Variants in TBC1D1 observed in about 807,000 individuals in gnomAD.
TBC1D1 encodes TBC1 domain family member 1, also known as TBC1 (tre-2/USP6, BUB2, cdc16) domain family, member 1.
In TBC1D1, 89 loss-of-function variants were observed where a neutral mutation model predicts 125.6. That is an observed-to-expected ratio of 0.71 (90% CI 0.60 to 0.85). The LOEUF (loss-of-function observed/expected upper bound fraction) is 0.85. Among genes scored for constraint, TBC1D1 ranks in the 40% least tolerant of loss-of-function variants. The pLI, the probability that TBC1D1 is intolerant of heterozygous loss-of-function variation, is 0.00. For missense variants in TBC1D1, 1,377 were observed against 1,469.2 expected (o/e 0.94, Z 1.03); for synonymous variants, 565 against 564.1 (o/e 1.00, Z -0.02).
At chr4:38,009,816 TGTATCTAAATAAG>T (rs1012987322) in intron 2 of TBC1D1, among the ~76,000 whole-genome samples, 2 of 152,198 alleles carry the variant, frequency 1.3e-5, no homozygotes, top group African/African-American at 4.8e-5. Flanking sequence ...TTAATTTTTA[TGTATCTAAATAAG>T]GCCTGTTTCT....
intron 1 of TBC1D1, among the ~76,000 whole-genome samples, chr4:37,895,510 C>T (rs1426209945): frequency 6.6e-6 from 1 of 152,104 alleles, no homozygotes; most frequent in Non-Finnish European, 1.5e-5. Context: ...TGGAGACCAG[C>T]CTGGCAAACA....
intron 17 of TBC1D1, among the ~76,000 whole-genome samples, chr4:38,122,023 C>T (rs1763931082): frequency 6.6e-6 from 1 of 152,158 alleles, no homozygotes; most frequent in African/African-American, 2.4e-5. Flanking sequence ...AATGATCTCC[C>T]GATTTAAGAC....
chr4:37,977,601 T>A lies in TBC1D1; in HGVS notation c.418-36908T>A. 2.3e-6 allele frequency: 1 copy of A among 441,378 alleles called. No individual in the cohort carries two copies. Among genetic ancestry groups the A allele is most frequent in the Non-Finnish European group, 3.1e-6 (1 of 325,550 alleles). 27.3% of individuals were successfully genotyped at this position (441,378 alleles called of 1,614,324 possible). On this transcript the variant is annotated intron_variant, in intron 2 of 19. Coordinates refer to ENST00000261439, the MANE Select transcript of TBC1D1 (RefSeq NM_015173.4). This position sits in a 1 kb window ranked among gnomAD's most constrained non-coding sequence, Gnocchi z 4.3. Reference sequence around the variant, plus strand: ...CGCGGGGCTGGAACATTTGTAACCTTCGGGCCGGGGCTGGGCCGGGCCGCT... The same window carrying A: ...CGCGGGGCTGGAACATTTGTAACCTACGGGCCGGGGCTGGGCCGGGCCGCT...
intron 19 of TBC1D1, among the ~76,000 whole-genome samples, chr4:38,134,074 G>T (rs1292600623): frequency 6.6e-6 from 1 of 152,150 alleles, no homozygotes; most frequent in Non-Finnish European, 1.5e-5. Flanking sequence ...TGTTTTGAGG[G>T]TGTTTTTAAA....
In TBC1D1 at chr4:38,121,100, G is replaced by A. The variant is rs116141388; in HGVS notation, c.2962+2908G>A. On this transcript the variant is annotated intron_variant, in intron 17 of 19. Coordinates refer to ENST00000261439, the MANE Select transcript of TBC1D1 (RefSeq NM_015173.4). ...CCAGCTATTCAGGTGACATGATGCC[G>A]CGTGATGATGAGTGTGTCCAGTCTG... Among the ~76,000 whole-genome samples the A allele has an allele frequency of 9.6e-3, 1,467 of 152,264 alleles. 18 individuals are homozygous for A. The highest frequency in any genetic ancestry group is 0.034 in the African/African-American group (1,411 of 41,536).
chr4:38,013,225 AG>A, intron 2 of TBC1D1, among the ~76,000 whole-genome samples: 1 of 133,370 alleles, frequency 7.5e-6, no homozygotes, highest in South Asian at 2.2e-4. Flanking sequence ...TTTATGACAG[AG>A]AGATCTTTAA....
At chr4:38,000,034 T>A (rs1216347343) in intron 2 of TBC1D1, among the ~76,000 whole-genome samples, 2 of 152,180 alleles carry the variant, frequency 1.3e-5, no homozygotes, top group Admixed American at 1.3e-4. Context: ...GACACTTGAG[T>A]TTTGCCCCAT....
At chr4:38,116,940 G>A (rs747584262) in intron 16 of TBC1D1, among the ~76,000 whole-genome samples, 1 of 152,200 alleles carries the variant, frequency 6.6e-6, no homozygotes, top group Admixed American at 6.5e-5. Context: ...CATGGACCAC[G>A]TGAATGCAAA....
intron 2 of TBC1D1, among the ~76,000 whole-genome samples, chr4:38,003,947 T>C (rs1370846340): frequency 2.6e-5 from 4 of 152,166 alleles, no homozygotes; most frequent in African/African-American, 9.7e-5. Flanking sequence ...TGGGAGCTAT[T>C]ATAGGCTAGG....
At position 38,138,430 on chromosome 4, in the gene TBC1D1, T is replaced by C. The variant is rs1053714635; in HGVS notation, c.*1095T>C. On this transcript the variant is annotated 3_prime_UTR_variant, in exon 20 of 20. Transcript: ENST00000261439. Reference sequence around the variant, plus strand: ...CAGAAGGAGTAGGCACATCAAGATATTCAGGGGTGCCCCAAGAGTCTGGGA... The same window carrying C: ...CAGAAGGAGTAGGCACATCAAGATACTCAGGGGTGCCCCAAGAGTCTGGGA... 3.3e-5 allele frequency: 5 copies of C among 152,530 alleles called. No individual in the cohort carries two copies. In the East Asian group the frequency reaches 5.8e-4, roughly 18 times the overall value. 9.4% of individuals were successfully genotyped at this position (152,530 alleles called of 1,614,324 possible). A position where few individuals can be genotyped will look rare whatever the true frequency, so the allele number is the denominator to read the frequency against.
chr4:38,096,797 G>GT (rs977536633), intron 14 of TBC1D1, among the ~76,000 whole-genome samples: 46 of 151,018 alleles, frequency 3.0e-4, no homozygotes, highest in African/African-American at 9.3e-4. Context: ...TTGTCCATCT[G>GT]TTTTTTTTTA....
rs766976101 is a variant in TBC1D1, at chr4:38,014,748, C to T, written c.657C>T (p.Ala219=). The change falls in exon 3 of 20, where the codon GCC becomes GCT. Residue 219 remains alanine, a synonymous_variant. Coordinates refer to ENST00000261439, the MANE Select transcript of TBC1D1 (RefSeq NM_015173.4). The surrounding 1 kb of genome is among the most constrained non-coding windows in gnomAD (Gnocchi z 5.1). ...GCCCCCGCCCCAACCCGCCCCATGCCGCGCCCACAGGGAGCCAGGAGCCTG... is the reference window on the plus strand; with the variant it reads ...GCCCCCGCCCCAACCCGCCCCATGCTGCGCCCACAGGGAGCCAGGAGCCTG... The T allele has an allele frequency of 3.1e-6, 5 of 1,611,178 alleles. No individual in the cohort carries two copies. The African/African-American group carries it at 4.0e-5, about 13-fold the overall frequency.
chr4:38,056,287 C>T (rs1408796754), intron 12 of TBC1D1, among the ~76,000 whole-genome samples: 1 of 152,136 alleles, frequency 6.6e-6, no homozygotes, highest in Non-Finnish European at 1.5e-5. Context: ...ACCCCTGGTC[C>T]GAGTCCTGTC....
intron 6 of TBC1D1, among the ~76,000 whole-genome samples, chr4:38,025,702 A>G (rs1239035539): frequency 6.6e-6 from 1 of 152,118 alleles, no homozygotes; most frequent in East Asian, 1.9e-4. Flanking sequence ...TGTCCTTCAT[A>G]TGTGGGGGGG....
intron 8 of TBC1D1, among the ~76,000 whole-genome samples, chr4:38,040,536 C>A (rs1460427762): frequency 1.3e-5 from 2 of 152,214 alleles, no homozygotes; most frequent in African/African-American, 4.8e-5. Flanking sequence ...ATCCGCCTGC[C>A]TTGGCCTCCT....
intron 16 of TBC1D1, among the ~76,000 whole-genome samples, chr4:38,116,332 T>C (rs1304139972): frequency 6.6e-6 from 1 of 152,150 alleles, no homozygotes; most frequent in Non-Finnish European, 1.5e-5. Context: ...CATCTGCTCT[T>C]CCTCTGCCTC....
rs772977772 is a variant in TBC1D1, at chr4:38,092,734, TA to T, written c.2236+2634del. On this transcript the variant is annotated intron_variant, in intron 13 of 19. Transcript: ENST00000261439. ...TGGGCAACACAGTGAGACTCCATCT[TA>T]AAAAAAAAAAAAAAAAGAAAGAAGT... is the stretch of plus-strand genomic sequence containing the variant. Among the ~76,000 whole-genome samples, 746 of 130,984 alleles carry T rather than the reference TA, an allele frequency of 5.7e-3. 1 individual carries two copies. Among genetic ancestry groups the T allele is most frequent in the Admixed American group, 5.9e-3 (77 of 12,952 alleles). 85.9% of individuals were successfully genotyped at this position (130,984 alleles called of 152,430 possible).
At position 37,919,237 on chromosome 4, in the gene TBC1D1, G is replaced by A. The variant is rs9995390; in HGVS notation, c.417+16725G>A. ...GTCTGAAGTGCAGTGGTGTGATCTCGGCTCACTGCAACCTCCACCTCCTGG... is the reference window on the plus strand; with the variant it reads ...GTCTGAAGTGCAGTGGTGTGATCTCAGCTCACTGCAACCTCCACCTCCTGG... On this transcript the variant is annotated intron_variant, in intron 2 of 19. Coordinates refer to ENST00000261439, the MANE Select transcript of TBC1D1 (RefSeq NM_015173.4). Among the ~76,000 whole-genome samples, 1,356 of 151,440 alleles carry A rather than the reference G, an allele frequency of 9.0e-3. 22 individuals carry two copies. Among genetic ancestry groups the A allele is most frequent in the African/African-American group, 0.031 (1,281 of 41,242 alleles).
intron 13 of TBC1D1, 26 bp downstream of exon 15, chr4:38,090,143 C>T (rs770304120): frequency 1.3e-5 from 21 of 1,607,240 alleles, no homozygotes. Flanking sequence ...TGATATTGAA[C>T]AGGCCTGGTC....
Sources: gnomAD v4.1 joint callset for allele counts (sites outside exome capture counted in the v4.1 genomes callset) on GRCh38, gnomAD v4.1.1 for gene constraint, Gnocchi (gnomAD v3.1) non-coding constraint, MANE v1.5 for transcripts, NCBI Gene and HGNC (gene_info 2026-07-23, HGNC 2026-07-21) for gene names.